Variants in MYO15B observed in about 807,000 individuals in gnomAD.
MYO15B encodes the protein myosin XVB pseudogene.
In MYO15B, 207 loss-of-function variants were observed where a neutral mutation model predicts 119.3. The observed-to-expected ratio is 1.73, with a 90% confidence interval of 1.55 to 1.95. The LOEUF is 1.95. MYO15B is among the 30% of genes most tolerant of loss of function. The probability of loss-of-function intolerance (pLI) is 0.00; values close to 1 mark genes in which losing one functional copy is unlikely to be tolerated. For missense variants in MYO15B, 2,264 were observed against 1,203.1 expected (o/e 1.88, Z -13.04); for synonymous variants, 966 against 498.9 (o/e 1.94, Z -12.48).
Position 75,596,368 on chromosome 17 carries a change from T to A in MYO15B, c.3298-92T>A, listed in dbSNP as rs1214727982. ...ACACAGCATCAGCCCTGGGTATTAC[T>A]CATCCCTGCGCCCTGGCCAGAATGA... On this transcript the variant is annotated intron_variant, in intron 12 of 63. Transcript: ENST00000645453. 22 of 668,542 alleles carry A rather than the reference T, an allele frequency of 3.3e-5. No individual in the cohort carries two copies. In the East Asian group the frequency reaches 6.0e-4, roughly 18 times the overall value. 41.4% of individuals were successfully genotyped at this position (668,542 alleles called of 1,614,324 possible). A position where few individuals can be genotyped will look rare whatever the true frequency, so the allele number is the denominator to read the frequency against.
intron 22 of MYO15B, 101 bp from the exon 23 acceptor site, chr17:75,610,799 C>T (rs2147961536): frequency 1.4e-6 from 1 of 694,128 alleles, no homozygotes; most frequent in African/African-American, 1.7e-5. Context: ...TGCTGAGAAC[C>T]TCCCAGGGGC....
exon 51 of MYO15B, chr17:75,621,345 G>C: frequency 2.9e-6 from 2 of 699,828 alleles, no homozygotes. Context: ...CCCCCCACAG[G>C]CTGGGCCAGA....
At chr17:75,605,551 A>G in exon 20 of MYO15B, 1 of 702,182 alleles carries the variant, frequency 1.4e-6, no homozygotes, top group Non-Finnish European at 2.6e-6. Context: ...TCTGACCGGG[A>G]GAAGTGTGGT....
intron 15 of MYO15B, 63 bp from the exon 16 acceptor site, chr17:75,602,454 C>G (rs758202207): frequency 4.3e-5 from 30 of 702,792 alleles, no homozygotes; most frequent in Admixed American, 1.8e-4. Flanking sequence ...CCAGCCTCCC[C>G]TCCTTGGTTC....
chr17:75,613,922 C>CG (rs942872343), intron 29 of MYO15B, 145 bp downstream of exon 29: 10 of 600,714 alleles, frequency 1.7e-5, no homozygotes, highest in Non-Finnish European at 2.4e-5. Flanking sequence ...GATGGGGAGC[C>CG]GGGGGCAGAT....
exon 30 of MYO15B, chr17:75,614,337 C>G (rs1213987216): frequency 5.7e-6 from 4 of 702,700 alleles, no homozygotes; most frequent in Non-Finnish European, 7.8e-6. Flanking sequence ...GCCCCCGCAG[C>G]TACCCCATCA....
chr17:75,614,674 G>T (rs374682302), exon 31 of MYO15B: 2 of 701,998 alleles, frequency 2.8e-6, no homozygotes, highest in East Asian at 2.7e-5. Flanking sequence ...GCCCAGCAGG[G>T]ACCACACAGG....
chr17:75,616,582 A>G (rs1187676731), exon 39 of MYO15B: 4 of 703,016 alleles, frequency 5.7e-6, no homozygotes, highest in African/African-American at 1.7e-5. Flanking sequence ...GTGGGGCCAA[A>G]GCTCCAAAAG....
chr17:75,607,109 T>C, intron 21 of MYO15B: 1 of 395,186 alleles, frequency 2.5e-6, no homozygotes, highest in Non-Finnish European at 4.5e-6. Context: ...ACTCGAGGGC[T>C]GAGAATGAAG....
chr17:75,592,505 C>A (rs1408419494), exon 8 of MYO15B: 1 of 606,416 alleles, frequency 1.6e-6, no homozygotes, highest in African/African-American at 1.9e-5. Flanking sequence ...AGCGGCTCTC[C>A]CTGCAGGGAC....
intron 41 of MYO15B, chr17:75,617,568 A>AG: frequency 1.7e-6 from 1 of 574,256 alleles, no homozygotes; most frequent in Non-Finnish European, 3.1e-6. Flanking sequence ...CAGCTCTGTG[A>AG]GGAAGTTAGT....
chr17:75,619,512 G>GC (rs1223522055), intron 45 of MYO15B, 36 bp downstream of exon 45: 1 of 695,850 alleles, frequency 1.4e-6, no homozygotes, highest in East Asian at 2.7e-5. Context: ...GGGATGCCAG[G>GC]CCCCCAGCCT....
intron 58 of MYO15B, 59 bp downstream of exon 58, chr17:75,624,698 T>C (rs2058920101): frequency 1.4e-6 from 1 of 702,508 alleles, no homozygotes; most frequent in African/African-American, 1.7e-5. Context: ...GGTGAGGTGG[T>C]TTGGTTTCTG....
At chr17:75,616,338 A>G (rs947811399) in exon 38 of MYO15B, 4 of 609,674 alleles carry the variant, frequency 6.6e-6, no homozygotes, top group Non-Finnish European at 8.7e-6. Flanking sequence ...AGTGAGGACG[A>G]TGAAGCCCCC....
chr17:75,594,341 GC>G (rs1209262040), intron 9 of MYO15B, 133 bp from the exon 10 acceptor site: 1 of 533,504 alleles, frequency 1.9e-6, no homozygotes, highest in Non-Finnish European at 3.3e-6. Context: ...GCTCCTAATG[GC>G]CCAGATCTCC....
Position 75,619,817 on chromosome 17 carries a change from C to G in MYO15B, c.7301+18C>G. On this transcript the variant is annotated intron_variant, in intron 46 of 63. Coordinates refer to ENST00000645453, the Ensembl canonical transcript of MYO15B. ...TCATACAGGTGCGCTAGCCCACGACCCTGGGCTAGAGGTGGGGGCAGGTGG... is the reference window on the plus strand; with the variant it reads ...TCATACAGGTGCGCTAGCCCACGACGCTGGGCTAGAGGTGGGGGCAGGTGG... The G allele has an allele frequency of 1.4e-6, 1 of 702,782 alleles. No individual in the cohort carries two copies. The highest frequency in any genetic ancestry group is 2.6e-6 in the Non-Finnish European group (1 of 384,854). 43.5% of individuals were successfully genotyped at this position (702,782 alleles called of 1,614,324 possible).
exon 26 of MYO15B, chr17:75,612,801 C>T (rs2058110371): frequency 2.8e-6 from 2 of 702,882 alleles, no homozygotes; most frequent in African/African-American, 1.7e-5. Flanking sequence ...CTTGCAGGAA[C>T]CGTCCCTGCC....
chr17:75,614,396 T>A (rs1372093438), intron 30 of MYO15B, 36 bp downstream of exon 30: 1 of 694,856 alleles, frequency 1.4e-6, no homozygotes, highest in Non-Finnish European at 2.6e-6. Context: ...CCTGGCCTGC[T>A]CCTGCCGGGG....
chr17:75,614,360 C>T (rs1450161172), exon 30 of MYO15B: 9 of 702,326 alleles, frequency 1.3e-5, no homozygotes, highest in East Asian at 8.1e-5. Flanking sequence ...CCTCTTGGCT[C>T]GTAGGTGCCA....
Sources: gnomAD v4.1 joint callset for allele counts on GRCh38, gnomAD v4.1.1 for gene constraint, MANE v1.5 for transcripts, NCBI Gene and HGNC (gene_info 2026-07-23, HGNC 2026-07-21) for gene names.